RARB: variants seen among roughly 807,000 people sequenced by gnomAD.
RARB encodes the protein HBV-activated protein.
RARB carries 17 observed loss-of-function variants against 51.9 expected under a neutral mutation model. That is an observed-to-expected ratio of 0.33 (90% CI 0.22 to 0.49). The LOEUF (loss-of-function observed/expected upper bound fraction) is 0.49. Among genes scored for constraint, RARB ranks in the 20% least tolerant of loss-of-function variants. The pLI is 0.99. For missense variants in RARB, 369 were observed against 550.8 expected (o/e 0.67, Z 3.30); for synonymous variants, 215 against 195.4 (o/e 1.10, Z -0.84).
chr3:25,196,037 G>C (rs909799873), intron 5 of RARB, among the ~76,000 whole-genome samples: 40 of 151,742 alleles, frequency 2.6e-4, no homozygotes, highest in African/African-American at 9.0e-4. Flanking sequence ...GTATCTATAG[G>C]TTATCAAGTA....
At chr3:25,496,099 A>G (rs193031948) in intron 2 of RARB, among the ~76,000 whole-genome samples, 1 of 152,330 alleles carries the variant, frequency 6.6e-6, no homozygotes, top group Admixed American at 6.5e-5. Context: ...TAAGAAACTA[A>G]GGTATAATCC....
intron 5 of RARB, among the ~76,000 whole-genome samples, chr3:25,241,435 G>A (rs1176018126): frequency 6.6e-6 from 1 of 152,070 alleles, no homozygotes; most frequent in African/African-American, 2.4e-5. Flanking sequence ...ATCCACATTA[G>A]CTATTTCTCC....
intron 5 of RARB, among the ~76,000 whole-genome samples, chr3:25,592,284 A>T (rs1349345730): frequency 6.6e-6 from 1 of 152,234 alleles, no homozygotes; most frequent in Non-Finnish European, 1.5e-5. Context: ...GACTATACCC[A>T]GTCAAATTGA....
chr3:25,052,489 T>C (rs1698351998), intron 2 of RARB, among the ~76,000 whole-genome samples: 1 of 152,240 alleles, frequency 6.6e-6, no homozygotes, highest in South Asian at 2.1e-4. Context: ...AAAAATTGTT[T>C]TTTCTTCATT....
intron 5 of RARB, among the ~76,000 whole-genome samples, chr3:25,338,303 A>G (rs566290251): frequency 6.6e-6 from 1 of 152,272 alleles, no homozygotes; most frequent in South Asian, 2.1e-4. Flanking sequence ...TGTATTTACA[A>G]AAGGGATGCT....
At chr3:25,394,255 G>C (rs907790931) in intron 5 of RARB, among the ~76,000 whole-genome samples, 2 of 152,098 alleles carry the variant, frequency 1.3e-5, no homozygotes, top group South Asian at 2.1e-4. Context: ...ACTGTGGTCT[G>C]AGAGAGTACA....
intron 5 of RARB, among the ~76,000 whole-genome samples, chr3:25,356,048 G>C (rs553899775): frequency 6.6e-6 from 1 of 152,028 alleles, no homozygotes; most frequent in Non-Finnish European, 1.5e-5. Context: ...TAATAGAAAG[G>C]AGATGTAGTA....
intron 2 of RARB, among the ~76,000 whole-genome samples, chr3:25,475,366 A>G (rs1010180920): frequency 6.6e-6 from 1 of 151,910 alleles, no homozygotes; most frequent in Non-Finnish European, 1.5e-5. Context: ...TACCTGTATT[A>G]TATCGGGGTG....
At chr3:24,850,263 C>A (rs1702539741) in intron 1 of RARB, among the ~76,000 whole-genome samples, 1 of 152,206 alleles carries the variant, frequency 6.6e-6, no homozygotes, top group Non-Finnish European at 1.5e-5. Context: ...GCAACAGTCA[C>A]CCATTTACTC....
At chr3:25,346,088 C>T (rs1282561962) in intron 5 of RARB, 1 of 156,692 alleles carries the variant, frequency 6.4e-6, no homozygotes, top group African/African-American at 2.4e-5. Flanking sequence ...TCTAGGATGG[C>T]CAAAGCAAGG....
chr3:25,403,622 AAAAATTTC>A (rs1707324503), intron 5 of RARB, among the ~76,000 whole-genome samples: 1 of 152,158 alleles, frequency 6.6e-6, no homozygotes, highest in Non-Finnish European at 1.5e-5. Flanking sequence ...GAATAAAAAT[AAAAATTTC>A]AGCTCTGCGA....
At chr3:25,014,081 T>C (rs1253163525) in intron 2 of RARB, among the ~76,000 whole-genome samples, 1 of 152,106 alleles carries the variant, frequency 6.6e-6, no homozygotes, top group African/African-American at 2.4e-5. Context: ...CTTACCTCCT[T>C]ATCAGCTCAA....
chr3:25,068,133 CAAAAAAAAAAAAAAAAAAAAA>C (rs55826425), intron 3 of RARB, among the ~76,000 whole-genome samples: 24 of 33,272 alleles, frequency 7.2e-4, no homozygotes, highest in South Asian at 4.7e-3. Context: ...GACTCCATCT[CAAAAAAAAAAAAAAAAAAAAA>C]AAAAAAAAAA....
chr3:25,258,395 T>C (rs1041875921), intron 5 of RARB, among the ~76,000 whole-genome samples: 1 of 152,182 alleles, frequency 6.6e-6, no homozygotes, highest in Admixed American at 6.5e-5. Flanking sequence ...GTAGGCAGAA[T>C]GCAGGATTCC....
chr3:25,401,222 C>A (rs1707254317), intron 5 of RARB, among the ~76,000 whole-genome samples: 1 of 152,154 alleles, frequency 6.6e-6, no homozygotes, highest in Non-Finnish European at 1.5e-5. Flanking sequence ...CCAAGGTAGA[C>A]CTGGGCTGAG....
chr3:24,925,791 C>G (rs904995689), intron 2 of RARB, among the ~76,000 whole-genome samples: 1 of 151,916 alleles, frequency 6.6e-6, no homozygotes, highest in Non-Finnish European at 1.5e-5. Context: ...TTACTCTTGC[C>G]TACAAAATAC....
At chr3:25,223,475 T>C (rs1701991097) in intron 5 of RARB, among the ~76,000 whole-genome samples, 1 of 151,808 alleles carries the variant, frequency 6.6e-6, no homozygotes, top group African/African-American at 2.4e-5. Flanking sequence ...ACAAATGCCT[T>C]CTATTCCAAT....
intron 4 of RARB, among the ~76,000 whole-genome samples, chr3:25,141,298 C>G (rs1700103012): frequency 6.6e-6 from 1 of 152,054 alleles, no homozygotes; most frequent in South Asian, 2.1e-4. Context: ...TATCTAAATT[C>G]AATATACTAG....
intron 5 of RARB, among the ~76,000 whole-genome samples, chr3:25,253,281 G>A (rs897079743): frequency 2.0e-5 from 3 of 152,102 alleles, no homozygotes; most frequent in African/African-American, 7.2e-5. Flanking sequence ...GGAGGGCTGA[G>A]TTGTACATCC....
Sources: gnomAD v4.1 joint callset for allele counts (sites outside exome capture counted in the v4.1 genomes callset) on GRCh38, gnomAD v4.1.1 for gene constraint, MANE v1.5 for transcripts, NCBI Gene and HGNC (gene_info 2026-07-23, HGNC 2026-07-21) for gene names.